The following RBM34 variants were observed in gnomAD, a reference collection of about 807,000 sequenced individuals.
RBM34 encodes RNA-binding protein 34.
Under a neutral mutation model 44.6 loss-of-function variants are expected in RBM34, and 39 were observed. That is an observed-to-expected ratio of 0.87 (90% CI 0.68 to 1.14). The LOEUF (loss-of-function observed/expected upper bound fraction) is 1.14. Ranked by LOEUF, RBM34 falls within the 50% of genes most tolerant of loss-of-function variation. RBM34 has a pLI of 0.00. For synonymous variants in RBM34, 194 were observed against 184.0 expected, an observed-to-expected ratio of 1.05 and a Z score of -0.44; for missense variants, 572 against 517.9, an observed-to-expected ratio of 1.10 and a Z score of -1.01.
At chr1:235,140,684 C>T (rs570928228) in intron 6 of RBM34, among the ~76,000 whole-genome samples, 13 of 152,352 alleles carry the variant, frequency 8.5e-5, no homozygotes, top group African/African-American at 2.6e-4. Flanking sequence ...TGCAGGCGCA[C>T]GGCATGGGAT....
intron 5 of RBM34, among the ~76,000 whole-genome samples, chr1:235,148,667 C>T (rs188451940): frequency 4.4e-4 from 66 of 150,984 alleles, no homozygotes; most frequent in Non-Finnish European, 8.0e-4. Context: ...GGCATGATGT[C>T]GGCTCATTGC....
chr1:235,140,595 T>G (rs1373198166), intron 6 of RBM34, among the ~76,000 whole-genome samples: 1 of 152,118 alleles, frequency 6.6e-6, no homozygotes, highest in Non-Finnish European at 1.5e-5. Context: ...TGGGCTCCTG[T>G]GCGGCCCGAG....
Position 235,148,439 on chromosome 1 carries a change from T to TG in RBM34, c.665dup (p.Glu223ArgfsTer14). The TG allele has an allele frequency of 6.3e-7, 1 of 1,591,320 alleles. No homozygotes were observed. The highest frequency in any genetic ancestry group is 8.5e-7 in the Non-Finnish European group (1 of 1,170,698). ...CCAACTTTTTGGATAGCGTTCCCTC[T>TG]GCTGGAATCTTTCAAGAGAAAAAAA... On this transcript the variant is annotated frameshift_variant, in exon 6 of 11. Coordinates refer to ENST00000408888, the MANE Select transcript of RBM34 (RefSeq NM_015014.4). LOFTEE classifies it high-confidence loss of function.
chr1:235,133,351 A>C (rs936277294), intron 10 of RBM34, among the ~76,000 whole-genome samples: 3 of 152,228 alleles, frequency 2.0e-5, no homozygotes, highest in African/African-American at 7.2e-5. Context: ...AAAAACAAAA[A>C]ACACATAACC....
intron 8 of RBM34, among the ~76,000 whole-genome samples, 193 bp from the exon 9 acceptor site, chr1:235,136,266 A>G (rs1174920586): frequency 6.6e-6 from 1 of 151,990 alleles, no homozygotes; most frequent in Non-Finnish European, 1.5e-5. Context: ...AGAGGAGGGG[A>G]GTGACCTTTT....
chr1:235,131,741 C>A lies in RBM34; in HGVS notation c.1265G>T (p.Arg422Leu), dbSNP rs777263723. ...TTTCTGTTTTCTCTGTTTCTTAGGG[C>A]GTCCACTTTTCTTCTGTCCTTTCTT... Reference protein sequence around the residue: ...TKKKGQKKSGRPKKQRKQK With the variant: ...TKKKGQKKSGLPKKQRKQK The change falls in exon 11 of 11, where the codon CGC (arginine) becomes CTC (leucine). Residue 422 changes from arginine to leucine, a missense_variant. Arg to Leu is a moderately radical substitution (Grantham distance 102, BLOSUM62 -2). Coordinates refer to ENST00000408888, the MANE Select transcript of RBM34 (RefSeq NM_015014.4). 2.5e-6 allele frequency: 4 copies of A among 1,602,232 alleles called. No homozygotes were observed. The highest frequency in any genetic ancestry group is 3.4e-6 in the Non-Finnish European group (4 of 1,176,076).
rs528310013 is a variant in RBM34 at position 235,152,865 on chromosome 1, C to T, written c.598-100G>A. ...AAAATTGTCTGATAATCCTCTACTG[C>T]CAGGCTTTTTTTTTTTTTTTTGAGA... is the stretch of plus-strand genomic sequence containing the variant. On this transcript the variant is annotated intron_variant, in intron 4 of 10. Transcript: ENST00000408888. 32 of 978,852 alleles carry T rather than the reference C, an allele frequency of 3.3e-5. No individual in the cohort carries two copies. The African/African-American group carries it at 6.0e-4, about 18-fold the overall frequency. The allele number at this position is 978,852 out of a possible 1,614,324, so 60.6% of individuals were successfully genotyped here. A position where few individuals can be genotyped will look rare whatever the true frequency, so the allele number is the denominator to read the frequency against.
chr1:235,133,340 CA>C (rs1661292561), intron 10 of RBM34, among the ~76,000 whole-genome samples: 1 of 151,794 alleles, frequency 6.6e-6, no homozygotes, highest in Admixed American at 6.6e-5. Flanking sequence ...GACTCTGTCT[CA>C]AAAACAAAAA....
intron 6 of RBM34, among the ~76,000 whole-genome samples, chr1:235,147,775 T>G (rs1358277657): frequency 6.6e-6 from 1 of 152,200 alleles, no homozygotes; most frequent in African/African-American, 2.4e-5. Flanking sequence ...AAGAAATATC[T>G]GCTTATAAAC....
At chr1:235,152,530 A>T (rs1662208568) in intron 5 of RBM34, 176 bp downstream of exon 5, 3 of 1,338,398 alleles carry the variant, frequency 2.2e-6, no homozygotes, top group South Asian at 4.0e-5. Context: ...TACATTATTT[A>T]AAAAGTTCAA....
chr1:235,136,160 C>A (rs1055919785), intron 8 of RBM34, 87 bp from the exon 9 acceptor site: 6 of 1,071,690 alleles, frequency 5.6e-6, no homozygotes, highest in East Asian at 2.5e-5. Context: ...TCCTTCCCCC[C>A]ATATCTGACA....
chr1:235,138,050 A>G (rs1661501771), intron 7 of RBM34, 41 bp downstream of exon 7: 1 of 1,566,348 alleles, frequency 6.4e-7, no homozygotes, highest in African/African-American at 1.4e-5. Flanking sequence ...ATACATACTT[A>G]TAGGACAATT....
rs773435782 is a variant in RBM34 at position 235,161,219 on chromosome 1, A to G, written c.8T>C (p.Leu3Ser). 1.9e-6 allele frequency: 3 copies of G among 1,612,836 alleles called. No individual in the cohort carries two copies. The highest frequency in any genetic ancestry group is 2.2e-5 in the South Asian group (2 of 90,940). ...TCTCTTCCGTTTGCTCATCCCTTCC[A>G]AGGCCATTCTTACTCCAAAGACTCC... MALEGMSKRKRKR... is the reference protein window; with the variant it reads MASEGMSKRKRKR... Residue 3 changes from leucine (L) to serine (S), a missense_variant, in exon 1 of 11, where the codon TTG (leucine) becomes TCG (serine). By Grantham distance (145) the Leu-to-Ser change is moderately radical. Coordinates refer to ENST00000408888, the MANE Select transcript of RBM34 (RefSeq NM_015014.4).
intron 6 of RBM34, among the ~76,000 whole-genome samples, chr1:235,144,978 G>A (rs1363582219): frequency 6.6e-6 from 1 of 152,186 alleles, no homozygotes; most frequent in Non-Finnish European, 1.5e-5. Flanking sequence ...GGGAGGCGGA[G>A]ATTACGGTGA....
In RBM34 at chr1:235,136,046, T is replaced by G; in HGVS notation, c.877A>C (p.Asn293His). ...TAAACAAACTTACTATAAGGGAGAT[T>G]CCCCACAAAAACCGATCTCTTGTCT... ...SRDKRSVFVG[N>H]LPYKVEESAI... The change falls in exon 9 of 11, where the codon AAT becomes CAT. Residue 293 changes from asparagine (N) to histidine (H), a missense_variant. By Grantham distance (68) the Asn-to-His change is moderately conservative. Coordinates refer to ENST00000408888, the MANE Select transcript of RBM34 (RefSeq NM_015014.4). The G allele has an allele frequency of 6.3e-7, 1 of 1,593,618 alleles. No homozygotes were observed. The highest frequency in any genetic ancestry group is 8.6e-7 in the Non-Finnish European group (1 of 1,164,014).
chr1:235,144,376 C>A (rs1408559282), intron 6 of RBM34, among the ~76,000 whole-genome samples: 1 of 151,646 alleles, frequency 6.6e-6, no homozygotes, highest in Non-Finnish European at 1.5e-5. Flanking sequence ...AGAAGAAACT[C>A]GAGATGATAA....
chr1:235,152,848 C>G, intron 4 of RBM34, 83 bp from the exon 5 acceptor site: 1 of 1,168,644 alleles, frequency 8.6e-7, no homozygotes, highest in Non-Finnish European at 1.2e-6. Context: ...GAAAAATTGT[C>G]TGATAATCCT....
intron 10 of RBM34, among the ~76,000 whole-genome samples, chr1:235,134,743 G>A (rs984679385): frequency 2.1e-5 from 3 of 145,594 alleles, no homozygotes; most frequent in East Asian, 1.9e-4. Context: ...TCTCGTTTTC[G>A]GGTTTTTTTT....
Position 235,138,117 on chromosome 1 carries a change from C to G in RBM34, c.759G>C (p.Glu253Asp). ...NINAYVVFKEESAATQALKRN... is the reference protein window; with the variant it reads ...NINAYVVFKEDSAATQALKRN... ...TTTTCAATGCTTGCGTGGCAGCACT[C>G]TCCTCCTTAAACACAACATAGGCAT... The change falls in exon 7 of 11, where the codon GAG (glutamate) becomes GAC (aspartate). Residue 253 changes from glutamate to aspartate, a missense_variant. Transcript: ENST00000408888. 6.2e-7 allele frequency: 1 copy of G among 1,610,546 alleles called. No homozygotes were observed. Among genetic ancestry groups the G allele is most frequent in the Non-Finnish European group, 8.5e-7 (1 of 1,178,618 alleles).
Sources: gnomAD v4.1 joint callset for allele counts (sites outside exome capture counted in the v4.1 genomes callset) on GRCh38, gnomAD v4.1.1 for gene constraint, MANE v1.5 for transcripts, NCBI Gene and HGNC (gene_info 2026-07-23, HGNC 2026-07-21) for gene names.